The following CCND2 variants were observed in gnomAD, a reference collection of about 807,000 sequenced individuals.
The protein encoded by CCND2 is G1/S-specific cyclin-D2.
CCND2 carries 6 observed loss-of-function variants against 30.2 expected under a neutral mutation model. That is an observed-to-expected ratio of 0.20 (90% CI 0.11 to 0.39). The LOEUF (loss-of-function observed/expected upper bound fraction) is 0.39. Among genes scored for constraint, CCND2 ranks in the 10% least tolerant of loss-of-function variants. The probability of loss-of-function intolerance (pLI) is 1.00; values close to 1 mark genes in which losing one functional copy is unlikely to be tolerated. For missense variants in CCND2, 235 were observed against 373.4 expected (o/e 0.63, Z 3.06); for synonymous variants, 150 against 153.1 (o/e 0.98, Z 0.15).
chr12:4,278,994 G>A (rs745878828), intron 3 of CCND2, 75 bp downstream of exon 3: 112 of 1,448,526 alleles, frequency 7.7e-5, no homozygotes, highest in East Asian at 2.3e-4. Context: ...GCAAAAGGCC[G>A]TAGGAACTTT....
At chr12:4,296,046 T>G (rs1421615120) in intron 4 of CCND2, among the ~76,000 whole-genome samples, 2 of 152,178 alleles carry the variant, frequency 1.3e-5, no homozygotes, top group African/African-American at 4.8e-5. Context: ...GAACTGTTCC[T>G]TTAAGGTCTC....
At position 4,287,270 on chromosome 12, in the gene CCND2, C is replaced by T. The variant is rs1591647630; in HGVS notation, c.572-1572C>T. 6.6e-6 allele frequency among the ~76,000 whole-genome samples: 1 copy of T among 152,156 alleles called. No homozygotes were observed. Among genetic ancestry groups the T allele is most frequent in the Non-Finnish European group, 1.5e-5 (1 of 68,034 alleles). ...GGGCTGTGCTTGGCTCAGGGATCCACGGTGTCTAACAATGCTGCTAACTTG... is the reference window on the plus strand; with the variant it reads ...GGGCTGTGCTTGGCTCAGGGATCCATGGTGTCTAACAATGCTGCTAACTTG... On this transcript the variant is annotated intron_variant, in intron 3 of 4. Transcript: ENST00000261254. The surrounding 1 kb of genome is among the most constrained non-coding windows in gnomAD (Gnocchi z 4.0).
In CCND2 at chr12:4,301,045, C is replaced by T. The variant is rs918807932; in HGVS notation, c.*1036C>T. 1 of 233,520 alleles carries T rather than the reference C, an allele frequency of 4.3e-6. No homozygotes were observed. The highest frequency in any genetic ancestry group is 2.2e-5 in the African/African-American group (1 of 45,290). The allele number at this position is 233,520 out of a possible 1,614,324, so 14.5% of individuals were successfully genotyped here. On this transcript the variant is annotated 3_prime_UTR_variant, in exon 5 of 5. Transcript: ENST00000261254. ...TGCAAGTCATGCTGAATACTCCTCC[C>T]CTCTTCTCTTTTGCCCCCTCCCTTC...
At position 4,286,301 on chromosome 12, in the gene CCND2, A is replaced by G. The variant is rs562414104; in HGVS notation, c.572-2541A>G. On this transcript the variant is annotated intron_variant, in intron 3 of 4. Coordinates refer to ENST00000261254, the MANE Select transcript of CCND2 (RefSeq NM_001759.4). ...TTAATGAGTTGCAGCTAGAAGTTAG[A>G]AAAACACTTATCTCACCCAACCCGT... Among the ~76,000 whole-genome samples, 3 of 152,358 alleles carry G rather than the reference A, an allele frequency of 2.0e-5. No homozygotes were observed. In the East Asian group the frequency reaches 5.8e-4, roughly 29 times the overall value.
rs3217850 is a variant in CCND2, at chr12:4,288,119, C to T, written c.572-723C>T. Among the ~76,000 whole-genome samples, 1,016 of 152,234 alleles carry T rather than the reference C, an allele frequency of 6.7e-3. 7 individuals are homozygous for T. The highest frequency in any genetic ancestry group is 0.054 in the Middle Eastern group (16 of 294). On this transcript the variant is annotated intron_variant, in intron 3 of 4. Coordinates refer to ENST00000261254, the MANE Select transcript of CCND2 (RefSeq NM_001759.4). ...CCTATGTTAGGGTTAGAATCCTCTG[C>T]CCTAATGTTCTGAGGGTTCTTGCTG... is the stretch of plus-strand genomic sequence containing the variant.
Position 4,303,882 on chromosome 12 carries a change from A to G in CCND2, c.*3873A>G, listed in dbSNP as rs1222197633. The G allele has an allele frequency of 4.3e-6, 1 of 233,190 alleles. No homozygotes were observed. The highest frequency in any genetic ancestry group is 8.5e-6 in the Non-Finnish European group (1 of 118,090). 14.4% of individuals were successfully genotyped at this position (233,190 alleles called of 1,614,324 possible). On this transcript the variant is annotated 3_prime_UTR_variant, in exon 5 of 5. Transcript: ENST00000261254. The surrounding 1 kb of genome is among the most constrained non-coding windows in gnomAD (Gnocchi z 4.6). Reference sequence around the variant, plus strand: ...TACTGGAGGCTCTGTTCTGCCTCTTATCAGCCAGGTCAGGGGCACACATGG... The same window carrying G: ...TACTGGAGGCTCTGTTCTGCCTCTTGTCAGCCAGGTCAGGGGCACACATGG...
In CCND2 at chr12:4,289,326, G is replaced by A. The variant is rs948639722; in HGVS notation, c.720+336G>A. On this transcript the variant is annotated intron_variant, in intron 4 of 4. Transcript: ENST00000261254. ...ACACGCTGCCAGGCTGCCTCTGCCC[G>A]GCAGCGAAGAGCTGCCGTGTCTGCT... 3.3e-5 allele frequency among the ~76,000 whole-genome samples: 5 copies of A among 151,964 alleles called. No individual in the cohort carries two copies. In the South Asian group the frequency reaches 8.3e-4, roughly 25 times the overall value.
rs894822054 is a variant in CCND2 at position 4,293,366 on chromosome 12, C to A, written c.720+4376C>A. 3.9e-5 allele frequency among the ~76,000 whole-genome samples: 6 copies of A among 152,232 alleles called. No homozygotes were observed. Among genetic ancestry groups the A allele is most frequent in the African/African-American group, 1.4e-4 (6 of 41,546 alleles). On this transcript the variant is annotated intron_variant, in intron 4 of 4. Coordinates refer to ENST00000261254, the MANE Select transcript of CCND2 (RefSeq NM_001759.4). The surrounding 1 kb of genome is among the most constrained non-coding windows in gnomAD (Gnocchi z 4.9). Reference sequence around the variant, plus strand: ...GTTCCTTATATTTATCCTTTTTTGTCTAAGTCACATCAAAACTCTTTGTCA... The same window carrying A: ...GTTCCTTATATTTATCCTTTTTTGTATAAGTCACATCAAAACTCTTTGTCA...
rs970420459 is a variant in CCND2 at position 4,285,779 on chromosome 12, G to A, written c.572-3063G>A. On this transcript the variant is annotated intron_variant, in intron 3 of 4. Transcript: ENST00000261254. The surrounding 1 kb of genome is among the most constrained non-coding windows in gnomAD (Gnocchi z 4.1). ...TAGGAAGCTAGTGCACAGATGAAAT[G>A]ATGTTTGATTTTTTTGTTTTTCTCT... 3.9e-5 allele frequency among the ~76,000 whole-genome samples: 6 copies of A among 152,200 alleles called. No homozygotes were observed. The highest frequency in any genetic ancestry group is 2.9e-5 in the Non-Finnish European group (2 of 68,036).
In CCND2 at chr12:4,299,953, G is replaced by T. The variant is rs1477693311; in HGVS notation, c.814G>T (p.Glu272Ter). ...RQDQRDGSKSEDELDQASTPT... is the reference protein window; with the variant it reads ...RQDQRDGSKS Reference sequence around the variant, plus strand: ...GGACCAACGTGACGGATCCAAGTCGGAGGATGAACTGGACCAAGCCAGCAC... The same window carrying T: ...GGACCAACGTGACGGATCCAAGTCGTAGGATGAACTGGACCAAGCCAGCAC... Residue 272 changes from glutamate (E) to a stop codon, truncating the protein, a stop_gained, in exon 5 of 5, where the codon GAG (glutamate) becomes TAG (stop). Coordinates refer to ENST00000261254, the MANE Select transcript of CCND2 (RefSeq NM_001759.4). LOFTEE classifies it high-confidence loss of function. This position sits in a 1 kb window ranked among gnomAD's most constrained non-coding sequence, Gnocchi z 5.2. 6.2e-7 allele frequency: 1 copy of T among 1,614,046 alleles called. No individual in the cohort carries two copies. Among genetic ancestry groups the T allele is most frequent in the African/African-American group, 1.3e-5 (1 of 74,904 alleles).
At chr12:4,292,632 G>C (rs1199964159) in intron 4 of CCND2, among the ~76,000 whole-genome samples, 1 of 152,216 alleles carries the variant, frequency 6.6e-6, no homozygotes, top group East Asian at 1.9e-4. Context: ...TCATTCCAAA[G>C]AGAAAGCTGA....
chr12:4,276,203 A>G lies in CCND2; in HGVS notation c.394A>G (p.Lys132Glu). Residue 132 changes from lysine to glutamate, a missense_variant, in exon 2 of 5, where the codon AAG becomes GAG. Around this residue, in one of 2 missense-constraint regions of CCND2, gnomAD observed 178 missense variants for 322.8 expected, o/e 0.55. Coordinates refer to ENST00000261254, the MANE Select transcript of CCND2 (RefSeq NM_001759.4). This position sits in a 1 kb window ranked among gnomAD's most constrained non-coding sequence, Gnocchi z 4.8. ...GTGCATTTACACCGACAACTCCATC[A>G]AGCCTCAGGAGCTGCTGGTAATGAC... ...KLCIYTDNSI[K>E]PQELLEWELV... is the part of the protein sequence containing the mutation. 1.2e-6 allele frequency: 2 copies of G among 1,613,980 alleles called. No individual in the cohort carries two copies. Among genetic ancestry groups the G allele is most frequent in the Non-Finnish European group, 1.7e-6 (2 of 1,179,898 alleles).
intron 3 of CCND2, among the ~76,000 whole-genome samples, chr12:4,281,083 C>A (rs934268269): frequency 7.2e-5 from 11 of 152,100 alleles, no homozygotes; most frequent in African/African-American, 2.2e-4. Flanking sequence ...GTTTTGGGGG[C>A]CTTGAACTAG....
chr12:4,275,714 G>A (rs1863863170), intron 1 of CCND2, among the ~76,000 whole-genome samples: 1 of 149,586 alleles, frequency 6.7e-6, no homozygotes, highest in South Asian at 2.1e-4. Context: ...GGAGCGTCGC[G>A]GAGCTGCCGC....
intron 4 of CCND2, among the ~76,000 whole-genome samples, chr12:4,298,466 T>G (rs3217913): frequency 0.067 from 10,137 of 152,266 alleles, 552 homozygotes; most frequent in Admixed American, 0.17. Context: ...CAGGCTGGTA[T>G]CGAACTCCTG....
intron 4 of CCND2, among the ~76,000 whole-genome samples, chr12:4,294,021 C>G (rs1361509653): frequency 6.6e-6 from 1 of 152,230 alleles, no homozygotes; most frequent in Non-Finnish European, 1.5e-5. Context: ...TAAGTTGTCT[C>G]TGCCTGAGTT....
Position 4,276,193 on chromosome 12 carries a change from C to A in CCND2, c.384C>A (p.Asp128Glu). The change falls in exon 2 of 5, where the codon GAC (aspartate) becomes GAA (glutamate). Residue 128 changes from aspartate (D) to glutamate (E), a missense_variant. Physicochemically the swap from Asp to Glu is conservative, Grantham distance 45. Coordinates refer to ENST00000261254, the MANE Select transcript of CCND2 (RefSeq NM_001759.4). The surrounding 1 kb of genome is among the most constrained non-coding windows in gnomAD (Gnocchi z 4.8). ...LTAEKLCIYTDNSIKPQELLE... is the reference protein window; with the variant it reads ...LTAEKLCIYTENSIKPQELLE... ...CGGAGAAGCTGTGCATTTACACCGA[C>A]AACTCCATCAAGCCTCAGGAGCTGC... 1 of 1,614,202 alleles carries A rather than the reference C, an allele frequency of 6.2e-7. No individual in the cohort carries two copies. The highest frequency in any genetic ancestry group is 1.1e-5 in the South Asian group (1 of 91,084).
intron 1 of CCND2, chr12:4,275,077 G>A (rs974737616): frequency 1.6e-4 from 24 of 151,878 alleles, no homozygotes; most frequent in African/African-American, 5.8e-4. Context: ...GGAAGGGGGG[G>A]AGGGGGTGTG....
Position 4,302,301 on chromosome 12 carries a change from A to G in CCND2, c.*2292A>G. ...AGGCAGACGTTCAGTACAAACATTTATGCGGTAGGCTCAGATGTCGTAATT... is the reference window on the plus strand; with the variant it reads ...AGGCAGACGTTCAGTACAAACATTTGTGCGGTAGGCTCAGATGTCGTAATT... On this transcript the variant is annotated 3_prime_UTR_variant, in exon 5 of 5. Coordinates refer to ENST00000261254, the MANE Select transcript of CCND2 (RefSeq NM_001759.4). 4.3e-6 allele frequency: 1 copy of G among 232,952 alleles called. No homozygotes were observed. The highest frequency in any genetic ancestry group is 6.0e-5 in the East Asian group (1 of 16,550). 14.4% of individuals were successfully genotyped at this position (232,952 alleles called of 1,614,324 possible). A position where few individuals can be genotyped will look rare whatever the true frequency, so the allele number is the denominator to read the frequency against.
Sources: gnomAD v4.1 joint callset for allele counts (sites outside exome capture counted in the v4.1 genomes callset) on GRCh38, gnomAD v4.1.1 for gene constraint, gnomAD v4.1.1 regional missense constraint, Gnocchi (gnomAD v3.1) non-coding constraint, MANE v1.5 for transcripts, NCBI Gene and HGNC (gene_info 2026-07-23, HGNC 2026-07-21) for gene names.